Variants in RAB2A observed in about 807,000 individuals in gnomAD.
The protein encoded by RAB2A is RAB2A, member RAS oncogene family, also known as ras-related protein Rab-2A.
RAB2A carries 7 observed loss-of-function variants against 32.5 expected under a neutral mutation model. The observed-to-expected ratio is 0.22, with a 90% CI of 0.12 to 0.40. RAB2A has a LOEUF of 0.40. Ranked by LOEUF, RAB2A falls within the 10% of genes least tolerant of loss-of-function variation. The pLI is 1.00. For synonymous variants in RAB2A, 79 were observed against 85.2 expected, an observed-to-expected ratio of 0.93 and a Z score of 0.40; for missense variants, 108 against 260.7, an observed-to-expected ratio of 0.41 and a Z score of 4.03.
chr8:60,585,475 G>GT (rs1803832824), intron 5 of RAB2A, among the ~76,000 whole-genome samples: 1 of 151,918 alleles, frequency 6.6e-6, no homozygotes, highest in Non-Finnish European at 1.5e-5. Flanking sequence ...ACCACAGCTA[G>GT]TTTATCTTTT....
At position 60,618,471 on chromosome 8, in the gene RAB2A, C is replaced by A. The variant is rs181761416; in HGVS notation, c.475-109C>A. The A allele has an allele frequency of 2.5e-3, 1,083 of 434,560 alleles. 1 individual carries two copies. The highest frequency in any genetic ancestry group is 3.2e-3 in the Non-Finnish European group (902 of 281,170). 26.9% of individuals were successfully genotyped at this position (434,560 alleles called of 1,614,324 possible). A position where few individuals can be genotyped will look rare whatever the true frequency, so the allele number is the denominator to read the frequency against. On this transcript the variant is annotated intron_variant, in intron 6 of 7. Transcript: ENST00000262646. Reference sequence around the variant, plus strand: ...CTTTGTTCTTTATTAATATGTATTACGTCGATTGACTTTCATATGTTGAAT... The same window carrying A: ...CTTTGTTCTTTATTAATATGTATTAAGTCGATTGACTTTCATATGTTGAAT...
chr8:60,586,774 A>G (rs1383637116), intron 5 of RAB2A, among the ~76,000 whole-genome samples: 1 of 151,908 alleles, frequency 6.6e-6, no homozygotes, highest in East Asian at 1.9e-4. Context: ...TAATAATTAA[A>G]AAAAACTAGC....
chr8:60,574,287 A>C (rs73261204), intron 3 of RAB2A, among the ~76,000 whole-genome samples: 8 of 152,024 alleles, frequency 5.3e-5, no homozygotes, highest in Non-Finnish European at 1.2e-4. Flanking sequence ...TACATTATCT[A>C]CCCTTCTCAG....
At chr8:60,563,049 T>A (rs745910454) in intron 2 of RAB2A, among the ~76,000 whole-genome samples, 142 of 152,210 alleles carry the variant, frequency 9.3e-4, no homozygotes, top group Non-Finnish European at 1.2e-3. Context: ...CACATATTTT[T>A]AAAAAGAACA....
intron 1 of RAB2A, among the ~76,000 whole-genome samples, chr8:60,554,193 G>T (rs142412409): frequency 1.4e-4 from 21 of 152,304 alleles, no homozygotes; most frequent in Middle Eastern, 3.4e-3. Context: ...TACAAAATAG[G>T]TTAGAAAGGC....
intron 3 of RAB2A, among the ~76,000 whole-genome samples, chr8:60,582,701 C>T (rs879669559): frequency 7.2e-5 from 11 of 151,844 alleles, no homozygotes; most frequent in Admixed American, 1.3e-4. Context: ...TTGGTAGAGA[C>T]GGGGTTTTGC....
rs1807477764 is a variant in RAB2A at position 60,531,668 on chromosome 8, A to G, written c.46+14415A>G. 3.3e-5 allele frequency among the ~76,000 whole-genome samples: 5 copies of G among 152,160 alleles called. No homozygotes were observed. The South Asian group carries it at 1.0e-3, about 32-fold the overall frequency. On this transcript the variant is annotated intron_variant, in intron 1 of 7. Coordinates refer to ENST00000262646, the MANE Select transcript of RAB2A (RefSeq NM_002865.3). ...ATTCTATTGTCCTCCATGACTCAATAAAAGAAAGTTCTTTTCCATCTCAGA... is the reference window on the plus strand; with the variant it reads ...ATTCTATTGTCCTCCATGACTCAATGAAAGAAAGTTCTTTTCCATCTCAGA...
At chr8:60,572,148 T>G in intron 3 of RAB2A, 35 bp downstream of exon 3, 3 of 1,464,076 alleles carry the variant, frequency 2.0e-6, no homozygotes, top group Non-Finnish European at 2.9e-6. Context: ...ATGATCTCAG[T>G]AAAGTTACTT....
At chr8:60,601,921 T>A (rs961674408) in intron 6 of RAB2A, among the ~76,000 whole-genome samples, 6 of 152,234 alleles carry the variant, frequency 3.9e-5, no homozygotes, top group African/African-American at 1.4e-4. Flanking sequence ...AGGGTCTCAC[T>A]CTGTCACCCA....
chr8:60,555,095 A>G (rs1807914793), intron 1 of RAB2A, among the ~76,000 whole-genome samples: 3 of 152,250 alleles, frequency 2.0e-5, no homozygotes, highest in Admixed American at 2.0e-4. Flanking sequence ...TTATATAGAT[A>G]CAGTTTATGG....
At chr8:60,566,789 A>G (rs945493833) in intron 2 of RAB2A, among the ~76,000 whole-genome samples, 2 of 152,048 alleles carry the variant, frequency 1.3e-5, no homozygotes, top group Admixed American at 1.3e-4. Context: ...AGTTCCCAGT[A>G]TCTGTTATTT....
Position 60,584,246 on chromosome 8 carries a change from T to C in RAB2A, c.225T>C (p.Tyr75=), listed in dbSNP as rs933641728. 4 of 1,611,068 alleles carry C rather than the reference T, an allele frequency of 2.5e-6. No individual in the cohort carries two copies. Among genetic ancestry groups the C allele is most frequent in the Non-Finnish European group, 3.4e-6 (4 of 1,177,216 alleles). Residue 75 remains tyrosine, a synonymous_variant, in exon 4 of 8, where the codon TAT becomes TAC. Transcript: ENST00000262646. ...CCTTTCGTTCCATCACAAGGTCGTA[T>C]TACAGAGGTGCAGCAGGAGCTTTAC... The part of the protein sequence containing the change: ...QESFRSITRS[Y]YRGAAGALLV...
At chr8:60,597,190 C>T (rs970561704) in intron 6 of RAB2A, among the ~76,000 whole-genome samples, 2 of 152,120 alleles carry the variant, frequency 1.3e-5, no homozygotes, top group African/African-American at 4.8e-5. Context: ...TTGGAACCAA[C>T]CCAAATGCCC....
intron 1 of RAB2A, among the ~76,000 whole-genome samples, chr8:60,531,854 C>T (rs1016402585): frequency 6.9e-6 from 1 of 143,936 alleles, no homozygotes; most frequent in African/African-American, 2.6e-5. Flanking sequence ...CCAGGCTATA[C>T]TACAATGGCG....
At chr8:60,584,151 G>T (rs754573381) in intron 3 of RAB2A, 57 bp from the exon 4 acceptor site, 3 of 1,343,444 alleles carry the variant, frequency 2.2e-6, no homozygotes, top group South Asian at 1.2e-5. Context: ...TGAATAATAT[G>T]AAAATGTAGA....
intron 2 of RAB2A, among the ~76,000 whole-genome samples, chr8:60,562,329 A>T (rs1808036955): frequency 6.6e-6 from 1 of 152,234 alleles, no homozygotes; most frequent in South Asian, 2.1e-4. Context: ...AATCAGGATT[A>T]GTCCTCCTAA....
At chr8:60,577,817 G>GTTT (rs1563475782) in intron 3 of RAB2A, among the ~76,000 whole-genome samples, 1 of 135,634 alleles carries the variant, frequency 7.4e-6, no homozygotes, top group Non-Finnish European at 1.5e-5. Context: ...TTTTTTTTTG[G>GTTT]ATTTTTAGTG....
At chr8:60,559,723 A>C (rs904019672) in intron 2 of RAB2A, among the ~76,000 whole-genome samples, 14 of 152,248 alleles carry the variant, frequency 9.2e-5, no homozygotes, top group Non-Finnish European at 1.8e-4. Context: ...AAATTAGTCA[A>C]ATATGAAGAC....
intron 6 of RAB2A, among the ~76,000 whole-genome samples, chr8:60,598,281 T>C (rs1046849094): frequency 6.6e-6 from 1 of 152,070 alleles, no homozygotes; most frequent in Non-Finnish European, 1.5e-5. Flanking sequence ...AAACGAAACC[T>C]CTAGGTCCAA....
Sources: gnomAD v4.1 joint callset for allele counts (sites outside exome capture counted in the v4.1 genomes callset) on GRCh38, gnomAD v4.1.1 for gene constraint, MANE v1.5 for transcripts, NCBI Gene and HGNC (gene_info 2026-07-23, HGNC 2026-07-21) for gene names.